Variants in SH2D3C observed in about 807,000 individuals in gnomAD.
SH2D3C encodes SH2 domain containing 3C.
SH2D3C carries 25 observed loss-of-function variants against 75.2 expected under a neutral mutation model. That is an observed-to-expected ratio of 0.33 (90% confidence interval 0.24 to 0.46). The LOEUF (loss-of-function observed/expected upper bound fraction) is 0.46. SH2D3C is among the 20% of genes least tolerant of loss of function. The pLI, the probability that SH2D3C is intolerant of heterozygous loss-of-function variation, is 1.00. For synonymous variants in SH2D3C, 450 were observed against 473.7 expected (o/e 0.95, Z 0.65); for missense variants, 933 against 1,165.3 (o/e 0.80, Z 2.90).
Position 127,774,253 on chromosome 9 carries a change from G to A in SH2D3C, c.252C>T (p.Ser84=), listed in dbSNP as rs1172358296. 1 of 1,614,070 alleles carries A rather than the reference G, an allele frequency of 6.2e-7. No homozygotes were observed. Among genetic ancestry groups the A allele is most frequent in the East Asian group, 2.2e-5 (1 of 44,878 alleles). The change falls in exon 2 of 12, where the codon AGC becomes AGT. Residue 84 remains serine (S), a synonymous_variant. Transcript: ENST00000314830. This position sits in a 1 kb window ranked among gnomAD's most constrained non-coding sequence, Gnocchi z 4.3. ...YSHMGTMPRP[S]IKKAQNSQAA... The stretch of plus-strand genomic sequence containing the variant: ...CCTGTGAGTTCTGTGCTTTCTTGAT[G>A]CTGGGGCGAGGCATGGTGCCCATGT...
chr9:127,754,921 G>A lies in SH2D3C; in HGVS notation c.556-3621C>T. ...CCTGGGCGCCCAGAGGTGAGGCTGG[G>A]GTGACCCCGCCCCCTCCCCGGGTCG... On this transcript the variant is annotated intron_variant, in intron 3 of 11. Coordinates refer to ENST00000314830, the MANE Select transcript of SH2D3C (RefSeq NM_170600.3). The surrounding 1 kb of genome is among the most constrained non-coding windows in gnomAD (Gnocchi z 4.4). The A allele has an allele frequency of 1.9e-6, 1 of 519,124 alleles. No homozygotes were observed. The highest frequency in any genetic ancestry group is 1.6e-5 in the South Asian group (1 of 64,016). The allele number at this position is 519,124 out of a possible 1,614,324, so 32.2% of individuals were successfully genotyped here.
rs1176311983 is a variant in SH2D3C, at chr9:127,774,179, C to T, written c.326G>A (p.Gly109Glu). ...EAGPKPNLVP[G>E]GVPDPPGLEA... Reference sequence around the variant, plus strand: ...CAAGCCTGGGGGGTCGGGTACACCTCCGGGTACCAAGTTGGGCTTGGGACC... The same window carrying T: ...CAAGCCTGGGGGGTCGGGTACACCTTCGGGTACCAAGTTGGGCTTGGGACC... Residue 109 changes from glycine to glutamate, a missense_variant, in exon 2 of 12, where the codon GGA becomes GAA. By Grantham distance (98) the Gly-to-Glu change is moderately conservative. Coordinates refer to ENST00000314830, the MANE Select transcript of SH2D3C (RefSeq NM_170600.3). This position sits in a 1 kb window ranked among gnomAD's most constrained non-coding sequence, Gnocchi z 4.3. The T allele has an allele frequency of 6.2e-7, 1 of 1,613,994 alleles. No homozygotes were observed. Among genetic ancestry groups the T allele is most frequent in the Non-Finnish European group, 8.5e-7 (1 of 1,179,968 alleles).
At chr9:127,763,031 A>G (rs1467861236) in intron 2 of SH2D3C, among the ~76,000 whole-genome samples, 1 of 152,032 alleles carries the variant, frequency 6.6e-6, no homozygotes, top group Non-Finnish European at 1.5e-5. Flanking sequence ...CTTGCACCTC[A>G]TGTCCCTTAT....
intron 2 of SH2D3C, among the ~76,000 whole-genome samples, chr9:127,768,510 A>G (rs1845676309): frequency 1.3e-5 from 2 of 152,242 alleles, no homozygotes; most frequent in Admixed American, 6.5e-5. Context: ...AGATCCTCCT[A>G]AAAGTTCGAG....
chr9:127,765,382 T>C (rs971922933), intron 2 of SH2D3C, among the ~76,000 whole-genome samples: 3 of 152,170 alleles, frequency 2.0e-5, no homozygotes, highest in Admixed American at 2.0e-4. Context: ...AGGGTTTGTG[T>C]TTCTGTCTAG....
In SH2D3C at chr9:127,738,556, T is replaced by C. The variant is rs940011992; in HGVS notation, c.*190A>G. On this transcript the variant is annotated 3_prime_UTR_variant, in exon 12 of 12. Transcript: ENST00000314830. This position sits in a 1 kb window ranked among gnomAD's most constrained non-coding sequence, Gnocchi z 5.0. ...TTCCTGTTCTTCCTCAATGGAGACC[T>C]GGTGAGCATGTAGCAGGTGGGATGG... The C allele has an allele frequency of 1.0e-5, 5 of 478,936 alleles. No homozygotes were observed. The highest frequency in any genetic ancestry group is 2.0e-5 in the African/African-American group (1 of 49,332). 29.7% of individuals were successfully genotyped at this position (478,936 alleles called of 1,614,324 possible).
At chr9:127,742,673 AATC>A in intron 8 of SH2D3C, 173 bp downstream of exon 8, 2 of 552,482 alleles carry the variant, frequency 3.6e-6, no homozygotes, top group Non-Finnish European at 6.5e-6. Flanking sequence ...GTCTTTGGGA[AATC>A]AGCCTGTTTA....
In SH2D3C at chr9:127,754,729, G is replaced by A. The variant is rs1845309498; in HGVS notation, c.556-3429C>T. 9.3e-6 allele frequency: 4 copies of A among 431,494 alleles called. No individual in the cohort carries two copies. The highest frequency in any genetic ancestry group is 2.6e-5 in the Admixed American group (1 of 38,960). 26.7% of individuals were successfully genotyped at this position (431,494 alleles called of 1,614,324 possible). On this transcript the variant is annotated intron_variant, in intron 3 of 11. Transcript: ENST00000314830. The surrounding 1 kb of genome is among the most constrained non-coding windows in gnomAD (Gnocchi z 4.4). The stretch of plus-strand genomic sequence containing the variant: ...GGGAGCCAGGGTGCCCAGGTCAGCC[G>A]CAAGGGCCAGCGTACCAGGCGGAGG...
At chr9:127,755,043 C>A in intron 3 of SH2D3C, 1 of 1,076,756 alleles carries the variant, frequency 9.3e-7, no homozygotes, top group Non-Finnish European at 1.2e-6. Flanking sequence ...GGGTCCCAGC[C>A]CGGCGCGCGT....
At chr9:127,753,664 C>A (rs1369645243) in intron 3 of SH2D3C, among the ~76,000 whole-genome samples, 4 of 152,154 alleles carry the variant, frequency 2.6e-5, no homozygotes, top group African/African-American at 9.6e-5. Flanking sequence ...CTCCCTCTCA[C>A]TCTGCGGTGC....
rs1845190138 is a variant in SH2D3C at position 127,751,136 on chromosome 9, G to A, written c.684+36C>T. On this transcript the variant is annotated intron_variant, in intron 4 of 11. Coordinates refer to ENST00000314830, the MANE Select transcript of SH2D3C (RefSeq NM_170600.3). The surrounding 1 kb of genome is among the most constrained non-coding windows in gnomAD (Gnocchi z 4.1). ...GGCTGGCCAAGGCAGTGGGTGGGAG[G>A]GTCCCGGGTTGAAGTCCAGCTCGGG... 6.2e-7 allele frequency: 1 copy of A among 1,609,862 alleles called. No individual in the cohort carries two copies. Among genetic ancestry groups the A allele is most frequent in the South Asian group, 1.1e-5 (1 of 90,910 alleles).
rs1845187457 is a variant in SH2D3C at position 127,751,060 on chromosome 9, A to C, written c.684+112T>G. On this transcript the variant is annotated intron_variant, in intron 4 of 11. Coordinates refer to ENST00000314830, the MANE Select transcript of SH2D3C (RefSeq NM_170600.3). This position sits in a 1 kb window ranked among gnomAD's most constrained non-coding sequence, Gnocchi z 4.1. ...CCTCATCCCAGTCCATTCTGATTGAATCCACCAAGCAACAGGTCAGAGCCT... is the reference window on the plus strand; with the variant it reads ...CCTCATCCCAGTCCATTCTGATTGACTCCACCAAGCAACAGGTCAGAGCCT... 7.0e-6 allele frequency: 7 copies of C among 1,001,652 alleles called. No individual in the cohort carries two copies. Among genetic ancestry groups the C allele is most frequent in the Non-Finnish European group, 1.1e-5 (7 of 659,308 alleles). 62.0% of individuals were successfully genotyped at this position (1,001,652 alleles called of 1,614,324 possible).
At chr9:127,756,298 T>C (rs1264782313) in intron 3 of SH2D3C, among the ~76,000 whole-genome samples, 2 of 152,106 alleles carry the variant, frequency 1.3e-5, no homozygotes, top group East Asian at 1.9e-4. Flanking sequence ...CAAGACTCTG[T>C]CTCAAAAAGA....
In SH2D3C at chr9:127,740,267, C is replaced by T. The variant is rs144265648; in HGVS notation, c.2191G>A (p.Glu731Lys). Residue 731 changes from glutamate to lysine, a missense_variant, in exon 10 of 12, where the codon GAG (glutamate) becomes AAG (lysine). Glu to Lys is a moderately conservative substitution (Grantham distance 56). Transcript: ENST00000314830. ...CGCAACAAGGAAGTACCTTTGCCCT[C>T]GTTGAGGCTCTTGAGAAAAGGCTTG... The part of the protein sequence containing the change: ...KLKPFLKSLN[E>K]GKEGPPLSNT... 50 of 1,613,676 alleles carry T rather than the reference C, an allele frequency of 3.1e-5. No individual in the cohort carries two copies. The South Asian group carries it at 4.4e-4, about 14-fold the overall frequency.
rs775667280 is a variant in SH2D3C at position 127,762,191 on chromosome 9, G to A, written c.516-541C>T. The A allele has an allele frequency of 1.4e-4, 166 of 1,181,244 alleles. 2 individuals are homozygous for A. In the Middle Eastern group the frequency reaches 1.9e-3, roughly 13 times the overall value. 73.2% of individuals were successfully genotyped at this position (1,181,244 alleles called of 1,614,324 possible). ...CCCAGCTGACTGCGGAGCCACTGCC[G>A]GTGCTAGAGGGCTACAGAATTGATT... is the stretch of plus-strand genomic sequence containing the variant. On this transcript the variant is annotated intron_variant, in intron 2 of 11. Coordinates refer to ENST00000314830, the MANE Select transcript of SH2D3C (RefSeq NM_170600.3).
At chr9:127,772,459 G>T (rs1248633241) in intron 2 of SH2D3C, among the ~76,000 whole-genome samples, 1 of 152,048 alleles carries the variant, frequency 6.6e-6, no homozygotes, top group African/African-American at 2.4e-5. Context: ...GGTCAGGCTG[G>T]TCTCTTTGGC....
intron 3 of SH2D3C, among the ~76,000 whole-genome samples, chr9:127,753,181 G>A (rs1027489384): frequency 4.6e-5 from 7 of 152,126 alleles, no homozygotes; most frequent in Admixed American, 2.0e-4. Context: ...GAAGTGTTGG[G>A]GCAGGTTTAG....
At chr9:127,755,268 C>G in intron 3 of SH2D3C, 1 of 996,226 alleles carries the variant, frequency 1.0e-6, no homozygotes, top group Non-Finnish European at 1.2e-6. Flanking sequence ...CTCTCAGCGG[C>G]GCGATTACCT....
At chr9:127,766,861 G>A in intron 2 of SH2D3C, 1 of 1,420,222 alleles carries the variant, frequency 7.0e-7, no homozygotes, top group Non-Finnish European at 9.5e-7. Context: ...TGAGCCCTGT[G>A]CCCAGCTTCT....
Sources: allele counts gnomAD v4.1 joint callset (sites outside exome capture counted in the v4.1 genomes callset), GRCh38; gene constraint gnomAD v4.1.1; non-coding constraint Gnocchi (gnomAD v3.1); transcripts MANE v1.5; gene names NCBI Gene and HGNC (gene_info 2026-07-23, HGNC 2026-07-21).